Variants in ROBO2 observed in about 807,000 individuals in gnomAD.
The protein encoded by ROBO2 is roundabout homolog 2.
A neutral mutation model predicts 160.8 loss-of-function variants in ROBO2; 53 were observed. The observed-to-expected ratio is 0.33, with a 90% CI of 0.26 to 0.41. The LOEUF (loss-of-function observed/expected upper bound fraction) is 0.41, where lower values mean the gene tolerates loss of function less well. ROBO2 is among the 10% of genes least tolerant of loss of function. The probability of loss-of-function intolerance (pLI) is 1.00; values close to 1 mark genes in which losing one functional copy is unlikely to be tolerated. For missense variants in ROBO2, 1,577 were observed against 1,722.4 expected (o/e 0.92, Z 1.49); for synonymous variants, 664 against 611.7 (o/e 1.09, Z -1.26).
At chr3:76,746,798 C>T (rs1467074271) in intron 2 of ROBO2, among the ~76,000 whole-genome samples, 11 of 152,056 alleles carry the variant, frequency 7.2e-5, no homozygotes, top group African/African-American at 2.2e-4. Flanking sequence ...CTAATGCTTT[C>T]GCTCCCACCA....
intron 2 of ROBO2, among the ~76,000 whole-genome samples, chr3:76,877,186 A>G (rs897552555): frequency 6.6e-6 from 1 of 152,198 alleles, no homozygotes; most frequent in African/African-American, 2.4e-5. Context: ...AGTAACACTA[A>G]AGAAATAAGA....
At chr3:76,003,578 G>GA (rs1216291410) in intron 2 of ROBO2, among the ~76,000 whole-genome samples, 4 of 152,156 alleles carry the variant, frequency 2.6e-5, no homozygotes, top group African/African-American at 9.7e-5. Flanking sequence ...ATTGGACTTT[G>GA]AAAAAATACA....
intron 2 of ROBO2, among the ~76,000 whole-genome samples, chr3:76,214,432 A>T (rs1012247598): frequency 2.0e-5 from 3 of 152,186 alleles, no homozygotes; most frequent in African/African-American, 7.2e-5. Flanking sequence ...GGGGTGACAG[A>T]TGGCACCCGG....
rs956908264 is a variant in ROBO2 at position 77,537,107 on chromosome 3, G to GGC, written c.935-9230_935-9229insCG. 4.3e-4 allele frequency among the ~76,000 whole-genome samples: 62 copies of GGC among 142,550 alleles called. 1 individual carries two copies. In the East Asian group the frequency reaches 0.013, roughly 29 times the overall value. The allele number at this position is 142,550 out of a possible 152,430, so 93.5% of individuals were successfully genotyped here. On this transcript the variant is annotated intron_variant, in intron 6 of 25. Coordinates refer to ENST00000461745, the Ensembl canonical transcript of ROBO2. ...AACATATACATATTTTGTGGGGGGGGGGTGTATTACACTTACCAAAATAAA... is the reference window on the plus strand; with the variant it reads ...AACATATACATATTTTGTGGGGGGGGGCGGTGTATTACACTTACCAAAATAAA...
chr3:76,530,896 G>A (rs979333629), intron 2 of ROBO2, among the ~76,000 whole-genome samples: 3 of 151,990 alleles, frequency 2.0e-5, no homozygotes, highest in Admixed American at 6.6e-5. Flanking sequence ...ATTTCCCTTC[G>A]TGAGTGCTGC....
chr3:76,909,780 C>T (rs967439330), intron 2 of ROBO2, among the ~76,000 whole-genome samples: 1 of 152,074 alleles, frequency 6.6e-6, no homozygotes, highest in African/African-American at 2.4e-5. Context: ...TCGTGTAAAA[C>T]TTTCAGTTAA....
chr3:76,832,025 G>C (rs1158787472), intron 2 of ROBO2, among the ~76,000 whole-genome samples: 1 of 152,160 alleles, frequency 6.6e-6, no homozygotes. Flanking sequence ...CAAATTACAT[G>C]ACTGCTATAC....
At chr3:76,757,666 A>C (rs1022853351) in intron 2 of ROBO2, among the ~76,000 whole-genome samples, 1 of 151,946 alleles carries the variant, frequency 6.6e-6, no homozygotes, top group South Asian at 2.1e-4. Context: ...TTAATCAAAT[A>C]AACTATTATT....
At chr3:76,837,515 T>C (rs916636805) in intron 2 of ROBO2, among the ~76,000 whole-genome samples, 1 of 151,630 alleles carries the variant, frequency 6.6e-6, no homozygotes, top group African/African-American at 2.4e-5. Flanking sequence ...TTTTTCTTTT[T>C]ATGTTTAAAA....
At chr3:76,964,379 G>A (rs929504626) in intron 2 of ROBO2, among the ~76,000 whole-genome samples, 2 of 151,940 alleles carry the variant, frequency 1.3e-5, no homozygotes, top group African/African-American at 2.4e-5. Flanking sequence ...TTTTTCTCTT[G>A]TTGCCCAAAC....
chr3:76,498,739 G>C (rs1000501925), intron 2 of ROBO2, among the ~76,000 whole-genome samples: 5 of 146,904 alleles, frequency 3.4e-5, no homozygotes, highest in African/African-American at 1.3e-4. Context: ...CTGGAGGGCA[G>C]TGGCACAATC....
chr3:76,606,374 T>G (rs560087890), intron 2 of ROBO2, among the ~76,000 whole-genome samples: 8 of 152,314 alleles, frequency 5.3e-5, no homozygotes, highest in African/African-American at 1.9e-4. Context: ...GGAGCATTTT[T>G]ATGGTGTATG....
chr3:76,761,125 C>T (rs1432108979), intron 2 of ROBO2, among the ~76,000 whole-genome samples: 1 of 151,668 alleles, frequency 6.6e-6, no homozygotes, highest in Non-Finnish European at 1.5e-5. Context: ...TTAATTACAC[C>T]AGATCACTCT....
rs939713317 is a variant in ROBO2 at position 76,658,375 on chromosome 3, T to A, written c.110-439639T>A. On this transcript the variant is annotated intron_variant, in intron 2 of 26. Coordinates refer to the ROBO2 transcript ENST00000487694. ...ATTATACTTTAAGTTCTGGGACACA[T>A]GTGCAGAACATGCAGGTTTGTTACA... is the stretch of plus-strand genomic sequence containing the variant. 5.3e-5 allele frequency among the ~76,000 whole-genome samples: 8 copies of A among 152,188 alleles called. No individual in the cohort carries two copies. The East Asian group carries it at 1.5e-3, about 29-fold the overall frequency.
chr3:76,043,184 A>G (rs1174297695), intron 2 of ROBO2, among the ~76,000 whole-genome samples: 1 of 151,720 alleles, frequency 6.6e-6, no homozygotes, highest in Admixed American at 6.5e-5. Flanking sequence ...AACAGATCAT[A>G]GTGCCATGAA....
chr3:77,131,401 C>T (rs1279128608), intron 2 of ROBO2, among the ~76,000 whole-genome samples: 1 of 152,276 alleles, frequency 6.6e-6, no homozygotes, highest in Admixed American at 6.5e-5. Context: ...TCCAGATTTA[C>T]TCATATCTAG....
At chr3:77,187,916 TA>T (rs1253169634) in intron 2 of ROBO2, among the ~76,000 whole-genome samples, 8 of 151,908 alleles carry the variant, frequency 5.3e-5, no homozygotes, top group Non-Finnish European at 1.2e-4. Context: ...TGGTAGGTAA[TA>T]AAACATATTA....
chr3:77,341,940 G>T (rs1451352938), intron 2 of ROBO2, among the ~76,000 whole-genome samples: 1 of 151,998 alleles, frequency 6.6e-6, no homozygotes, highest in East Asian at 1.9e-4. Context: ...AGAAATAAAA[G>T]AGAACAAAGA....
intron 1 of ROBO2, among the ~76,000 whole-genome samples, chr3:77,085,616 T>C (rs904151229): frequency 9.9e-5 from 15 of 152,064 alleles, no homozygotes; most frequent in Admixed American, 2.6e-4. Flanking sequence ...GCCTCCTTTG[T>C]TTCCAAGATA....
Sources: allele counts gnomAD v4.1 joint callset (sites outside exome capture counted in the v4.1 genomes callset), GRCh38; gene constraint gnomAD v4.1.1; transcripts MANE v1.5; gene names NCBI Gene and HGNC (gene_info 2026-07-23, HGNC 2026-07-21).